SLC35D4: variants seen among roughly 807,000 people sequenced by gnomAD.
SLC35D4 encodes the protein solute carrier family 35 member D4.
the SLC35D4 span, among the ~76,000 whole-genome samples, chr18:23,325,819 C>T: frequency 6.6e-6 from 1 of 152,160 alleles, no homozygotes; most frequent in Admixed American, 6.5e-5. Context: ...ACGTCAGCTG[C>T]TGGCAAGGGC....
At chr18:23,363,488 C>T in the SLC35D4 span, among the ~76,000 whole-genome samples, 273 of 147,932 alleles carry the variant, frequency 1.8e-3, 1 homozygote, top group African/African-American at 6.6e-3. Context: ...CATTCTCCTG[C>T]GTCAGCCTCC....
the SLC35D4 span, among the ~76,000 whole-genome samples, chr18:23,429,858 G>GT: frequency 0.02 from 3,102 of 152,206 alleles, 95 homozygotes; most frequent in African/African-American, 0.07. Flanking sequence ...GAATTATTTA[G>GT]TTTTTTTCTT....
the SLC35D4 span, among the ~76,000 whole-genome samples, chr18:23,330,167 G>A: frequency 6.6e-6 from 1 of 151,844 alleles, no homozygotes; most frequent in Non-Finnish European, 1.5e-5. Flanking sequence ...TGCATGTTGC[G>A]CACATGTACC....
the SLC35D4 span, among the ~76,000 whole-genome samples, chr18:23,392,730 G>C: frequency 2.0e-5 from 3 of 152,184 alleles, no homozygotes; most frequent in Non-Finnish European, 4.4e-5. Flanking sequence ...GGACTTGCCT[G>C]CTCTCAGGGA....
chr18:23,273,328 G>A, the SLC35D4 span, among the ~76,000 whole-genome samples: 29 of 152,302 alleles, frequency 1.9e-4, no homozygotes, highest in Non-Finnish European at 2.9e-4. Context: ...AAGGAGAAGC[G>A]TAAATGTGGG....
chr18:23,283,471 C>CAAAAAAAAAAAAAAAAAAA, the SLC35D4 span, among the ~76,000 whole-genome samples: 3 of 44,422 alleles, frequency 6.8e-5, no homozygotes, highest in African/African-American at 8.8e-5. Context: ...GACCCAGTCT[C>CAAAAAAAAAAAAAAAAAAA]AAAAAAAAAA....
At chr18:23,292,360 A>G in the SLC35D4 span, among the ~76,000 whole-genome samples, 1 of 152,238 alleles carries the variant, frequency 6.6e-6, no homozygotes, top group Non-Finnish European at 1.5e-5. Flanking sequence ...AGGTGAGAGC[A>G]GTGCCATTTC....
chr18:23,322,080 G>A, the SLC35D4 span, among the ~76,000 whole-genome samples: 4 of 152,194 alleles, frequency 2.6e-5, no homozygotes, highest in African/African-American at 9.7e-5. Context: ...TTCATTCCAA[G>A]GGGAATAATT....
chr18:23,418,386 T>TTATTATTATTATTA, the SLC35D4 span, among the ~76,000 whole-genome samples: 52 of 113,726 alleles, frequency 4.6e-4, no homozygotes, highest in African/African-American at 1.5e-3. Context: ...TATTATTATT[T>TTATTATTATTATTA]TTTGAGACAG....
the SLC35D4 span, among the ~76,000 whole-genome samples, chr18:23,423,407 G>A: frequency 4.6e-5 from 7 of 152,236 alleles, no homozygotes; most frequent in Non-Finnish European, 8.8e-5. Flanking sequence ...GCATTTGGCA[G>A]TGTCTAGAGA....
the SLC35D4 span, chr18:23,253,048 C>T: frequency 1.2e-6 from 2 of 1,611,754 alleles, no homozygotes; most frequent in Non-Finnish European, 1.7e-6. Flanking sequence ...ATTAAGCTGA[C>T]ACTCAGCAAA....
At chr18:23,373,579 C>A in the SLC35D4 span, 2 of 978,740 alleles carry the variant, frequency 2.0e-6, no homozygotes, top group African/African-American at 1.6e-5. Flanking sequence ...ACCCAGCCTG[C>A]AAGATTTGGA....
the SLC35D4 span, among the ~76,000 whole-genome samples, chr18:23,349,252 G>T: frequency 6.6e-6 from 1 of 152,064 alleles, no homozygotes; most frequent in Non-Finnish European, 1.5e-5. Flanking sequence ...CTTCTCTTCT[G>T]GGATTCTTAT....
the SLC35D4 span, among the ~76,000 whole-genome samples, chr18:23,349,604 C>T: frequency 6.6e-6 from 1 of 152,384 alleles, no homozygotes; most frequent in African/African-American, 2.4e-5. Flanking sequence ...GCACTCCAGC[C>T]TGGGCGACAG....
the SLC35D4 span, among the ~76,000 whole-genome samples, chr18:23,426,362 A>G: frequency 6.6e-6 from 1 of 152,200 alleles, no homozygotes; most frequent in East Asian, 1.9e-4. Context: ...TTAAATTCCT[A>G]TACACCAATA....
chr18:23,370,373 G>A, the SLC35D4 span: 1 of 1,019,168 alleles, frequency 9.8e-7, no homozygotes, highest in Non-Finnish European at 1.5e-6. Context: ...AAGCACGACT[G>A]CTGGTCCTTT....
the SLC35D4 span, among the ~76,000 whole-genome samples, chr18:23,287,222 C>T: frequency 6.6e-6 from 1 of 152,256 alleles, no homozygotes. Flanking sequence ...TTTGCCTATC[C>T]ACCCCGTGGT....
chr18:23,325,073 A>G, the SLC35D4 span, among the ~76,000 whole-genome samples: 2 of 152,138 alleles, frequency 1.3e-5, no homozygotes. Flanking sequence ...TCTGTGAGAC[A>G]GCAGTGAGCC....
the SLC35D4 span, among the ~76,000 whole-genome samples, chr18:23,311,408 T>A: frequency 1.3e-5 from 2 of 152,112 alleles, no homozygotes; most frequent in African/African-American, 2.4e-5. Flanking sequence ...TTTTTTTTTT[T>A]TTATTAACAT....
Sources: allele counts gnomAD v4.1 joint callset (sites outside exome capture counted in the v4.1 genomes callset), GRCh38; gene constraint gnomAD v4.1.1; transcripts MANE v1.5; gene names NCBI Gene and HGNC (gene_info 2026-07-23, HGNC 2026-07-21).